TANC2: variants seen among roughly 807,000 people sequenced by gnomAD.
TANC2 encodes tetratricopeptide repeat, ankyrin repeat and coiled-coil containing 2.
A neutral mutation model predicts 210.5 loss-of-function variants in TANC2; 26 were observed. The ratio of observed to expected loss-of-function variants is 0.12; its 90% CI spans 0.09 to 0.17. The LOEUF (loss-of-function observed/expected upper bound fraction) is 0.17. Among genes scored for constraint, TANC2 ranks in the 10% least tolerant of loss-of-function variants. The probability of loss-of-function intolerance (pLI) is 1.00; values close to 1 mark genes in which losing one functional copy is unlikely to be tolerated. For missense variants in TANC2, 2,129 were observed against 2,608.9 expected (o/e 0.82, Z 4.01); for synonymous variants, 931 against 967.1 (o/e 0.96, Z 0.69).
chr17:63,129,735 A>G (rs2038848340), intron 4 of TANC2, among the ~76,000 whole-genome samples: 3 of 151,610 alleles, frequency 2.0e-5, no homozygotes, highest in African/African-American at 7.3e-5. Flanking sequence ...AGAAAAATAA[A>G]TTATAATCAC....
chr17:62,989,384 C>G (rs1447567809), intron 1 of TANC2, among the ~76,000 whole-genome samples: 1 of 152,120 alleles, frequency 6.6e-6, no homozygotes, highest in Admixed American at 6.5e-5. Context: ...ATATAATTTG[C>G]GAAGAATTTT....
chr17:63,310,305 G>A (rs1469915684), intron 9 of TANC2, among the ~76,000 whole-genome samples: 1 of 152,052 alleles, frequency 6.6e-6, no homozygotes, highest in Non-Finnish European at 1.5e-5. Context: ...AAATTAGCCT[G>A]GTGTCGTTGC....
chr17:63,358,437 G>A (rs1008558235), intron 14 of TANC2, among the ~76,000 whole-genome samples: 14 of 146,840 alleles, frequency 9.5e-5, no homozygotes, highest in African/African-American at 3.3e-4. Flanking sequence ...CAAACTGTAA[G>A]CAGAGTATCA....
chr17:63,269,033 C>T (rs2043616620), intron 9 of TANC2, among the ~76,000 whole-genome samples: 2 of 152,150 alleles, frequency 1.3e-5, no homozygotes, highest in South Asian at 4.1e-4. Flanking sequence ...ATTCCCTACT[C>T]TAAGCAGTAT....
At chr17:63,165,892 A>G (rs1291381455) in intron 5 of TANC2, among the ~76,000 whole-genome samples, 1 of 152,242 alleles carries the variant, frequency 6.6e-6, no homozygotes, top group Non-Finnish European at 1.5e-5. Flanking sequence ...CAAACAATAG[A>G]AACCTCAGTT....
intron 8 of TANC2, among the ~76,000 whole-genome samples, chr17:63,244,085 TGTG>T (rs1306545116): frequency 2.0e-5 from 3 of 152,200 alleles, no homozygotes; most frequent in Admixed American, 6.5e-5. Context: ...GGAGTATCAT[TGTG>T]GTGGAAAAGG....
At chr17:63,413,381 TG>T in intron 24 of TANC2, 161 bp from the exon 25 acceptor site, 1 of 538,180 alleles carries the variant, frequency 1.9e-6, no homozygotes, top group Non-Finnish European at 3.3e-6. Flanking sequence ...TTCTTGGCAG[TG>T]GGAGTTACTA....
At chr17:63,238,665 T>A (rs2042688848) in intron 8 of TANC2, among the ~76,000 whole-genome samples, 1 of 152,148 alleles carries the variant, frequency 6.6e-6, no homozygotes, top group Non-Finnish European at 1.5e-5. Flanking sequence ...TTAAAAAAAA[T>A]TGTATTAGTC....
chr17:63,252,602 T>G (rs568247921), intron 8 of TANC2, among the ~76,000 whole-genome samples: 1 of 152,266 alleles, frequency 6.6e-6, no homozygotes, highest in South Asian at 2.1e-4. Flanking sequence ...GTTCAGTTAT[T>G]TTAATTTTTA....
chr17:63,128,600 GGGAAA>G (rs1253190637), intron 4 of TANC2, among the ~76,000 whole-genome samples: 6 of 152,194 alleles, frequency 3.9e-5, no homozygotes, highest in African/African-American at 9.6e-5. Flanking sequence ...TATATTTTAA[GGGAAA>G]GTGTTTAATA....
chr17:63,010,931 T>G (rs1266875752), intron 2 of TANC2, among the ~76,000 whole-genome samples: 1 of 152,066 alleles, frequency 6.6e-6, no homozygotes, highest in South Asian at 2.1e-4. Context: ...AACCCCATCC[T>G]TTTGGGTTTT....
chr17:63,087,305 TGTA>T (rs1295109179), intron 3 of TANC2, among the ~76,000 whole-genome samples: 1 of 152,218 alleles, frequency 6.6e-6, no homozygotes, highest in East Asian at 1.9e-4. Context: ...CCTTTAGTAA[TGTA>T]GTGTTCAGGT....
chr17:63,237,563 G>A (rs1433002167), intron 7 of TANC2, among the ~76,000 whole-genome samples: 1 of 152,020 alleles, frequency 6.6e-6, no homozygotes, highest in Admixed American at 6.6e-5. Context: ...AAAGTTTTCT[G>A]TAGGTTTTCT....
At chr17:63,296,430 C>CCT (rs1300405553) in intron 9 of TANC2, among the ~76,000 whole-genome samples, 1 of 151,990 alleles carries the variant, frequency 6.6e-6, no homozygotes, top group African/African-American at 2.4e-5. Flanking sequence ...AACAGCAAGC[C>CCT]CTGTGAAGGA....
chr17:63,101,144 A>C (rs1474407881), intron 4 of TANC2, among the ~76,000 whole-genome samples: 1 of 152,188 alleles, frequency 6.6e-6, no homozygotes, highest in African/African-American at 2.4e-5. Flanking sequence ...TGAAATTCAA[A>C]ATAAAAACCT....
chr17:63,030,973 G>A (rs915672501), intron 2 of TANC2, among the ~76,000 whole-genome samples: 6 of 152,098 alleles, frequency 3.9e-5, no homozygotes, highest in African/African-American at 1.4e-4. Flanking sequence ...TTGCAGAAAT[G>A]AGGAGCTGTT....
At chr17:62,981,152 C>G (rs942289830) in intron 1 of TANC2, among the ~76,000 whole-genome samples, 12 of 152,162 alleles carry the variant, frequency 7.9e-5, no homozygotes, top group African/African-American at 2.9e-4. Flanking sequence ...CTTTCACGTT[C>G]CCATTGCTTA....
chr17:63,060,670 A>G (rs960056866), intron 2 of TANC2, among the ~76,000 whole-genome samples: 3 of 152,114 alleles, frequency 2.0e-5, no homozygotes, highest in African/African-American at 7.2e-5. Flanking sequence ...ACAACTGCAT[A>G]TTTAATCTCA....
At chr17:63,256,518 G>T (rs2043199838) in intron 8 of TANC2, among the ~76,000 whole-genome samples, 1 of 151,956 alleles carries the variant, frequency 6.6e-6, no homozygotes, top group Non-Finnish European at 1.5e-5. Flanking sequence ...CTAACATATG[G>T]TCTGCCCTTG....
Sources: gnomAD v4.1 joint callset for allele counts (sites outside exome capture counted in the v4.1 genomes callset) on GRCh38, gnomAD v4.1.1 for gene constraint, MANE v1.5 for transcripts, NCBI Gene and HGNC (gene_info 2026-07-23, HGNC 2026-07-21) for gene names.